The following POU2F1 variants were observed in gnomAD, a reference collection of about 807,000 sequenced individuals.
POU2F1 encodes the protein POU class 2 homeobox 1, also known as POU domain, class 2, transcription factor 1.
In POU2F1, 16 loss-of-function variants were observed where a neutral mutation model predicts 84.9. The observed-to-expected ratio is 0.19, with a 90% CI of 0.13 to 0.29. The LOEUF is 0.29. Among genes scored for constraint, POU2F1 ranks in the 10% least tolerant of loss-of-function variants. The pLI, the probability that POU2F1 is intolerant of heterozygous loss-of-function variation, is 1.00. For missense variants in POU2F1, 738 were observed against 942.6 expected, an observed-to-expected ratio of 0.78 and a Z score of 2.84; for synonymous variants, 368 against 368.3, an observed-to-expected ratio of 1.00 and a Z score of 0.01.
chr1:167,412,002 C>T lies in POU2F1; in HGVS notation c.1599C>T (p.Ser533=). 6.2e-7 allele frequency: 1 copy of T among 1,614,070 alleles called. No homozygotes were observed. Among genetic ancestry groups the T allele is most frequent in the Non-Finnish European group, 8.5e-7 (1 of 1,179,972 alleles). The change falls in exon 14 of 16, where the codon TCC becomes TCT. Residue 533 remains serine (S), a synonymous_variant. Coordinates refer to ENST00000367866, the MANE Select transcript of POU2F1 (RefSeq NM_002697.4). ...CCAACAACACAGCAACCGTGATTTC[C>T]ACAGCGCCTCCAGCTTCCTCAGCAG... is the stretch of plus-strand genomic sequence containing the variant. ...TTSNNTATVI[S]TAPPASSAVT...
At position 167,305,889 on chromosome 1, in the gene POU2F1, A is replaced by G. The variant is rs527854779; in HGVS notation, c.62-26581A>G. 7.2e-5 allele frequency among the ~76,000 whole-genome samples: 11 copies of G among 152,326 alleles called. 1 individual carries two copies. The Middle Eastern group carries it at 0.01, about 141-fold the overall frequency. On this transcript the variant is annotated intron_variant, in intron 1 of 15. Coordinates refer to ENST00000367866, the MANE Select transcript of POU2F1 (RefSeq NM_002697.4). The stretch of plus-strand genomic sequence containing the variant: ...AGGAGGGTGGGGCAGGGCTGGAACA[A>G]CTAACATTTCCTGGAATTCCTACTC...
intron 1 of POU2F1, among the ~76,000 whole-genome samples, chr1:167,291,057 A>G (rs1439207235): frequency 6.6e-6 from 1 of 152,070 alleles, no homozygotes; most frequent in Non-Finnish European, 1.5e-5. Context: ...AAAAAAAAAA[A>G]AAAAAAAGTC....
At chr1:167,414,800 C>T (rs1296535827) in intron 15 of POU2F1, 1 of 856,948 alleles carries the variant, frequency 1.2e-6, no homozygotes, top group Non-Finnish European at 1.4e-6. Flanking sequence ...ATTAATTATA[C>T]CTTTTAACTT....
chr1:167,247,983 A>T (rs1650459589), intron 1 of POU2F1, among the ~76,000 whole-genome samples: 1 of 152,196 alleles, frequency 6.6e-6, no homozygotes, highest in African/African-American at 2.4e-5. Context: ...TAATAATAGA[A>T]TGATCTTTGG....
intron 3 of POU2F1, among the ~76,000 whole-genome samples, chr1:167,369,248 T>TAAGC (rs1659863004): frequency 6.6e-6 from 1 of 152,190 alleles, no homozygotes; most frequent in African/African-American, 2.4e-5. Flanking sequence ...GGATGCAGCA[T>TAAGC]AAGCAATGCT....
At chr1:167,232,534 C>T (rs1649142566) in intron 1 of POU2F1, among the ~76,000 whole-genome samples, 1 of 152,168 alleles carries the variant, frequency 6.6e-6, no homozygotes, top group African/African-American at 2.4e-5. Flanking sequence ...AAGTTTTTAA[C>T]ATTTTAAAGC....
At chr1:167,371,515 A>C (rs1208582334) in intron 4 of POU2F1, among the ~76,000 whole-genome samples, 1 of 152,202 alleles carries the variant, frequency 6.6e-6, no homozygotes, top group Admixed American at 6.5e-5. Context: ...TCAAGTGATC[A>C]TTCTCTGAGA....
At chr1:167,323,931 G>T (rs112247430) in intron 1 of POU2F1, among the ~76,000 whole-genome samples, 5 of 152,176 alleles carry the variant, frequency 3.3e-5, no homozygotes, top group African/African-American at 1.2e-4. Flanking sequence ...GAGCTCAGGT[G>T]ATCCACCTAC....
At chr1:167,323,336 T>C (rs1371758362) in intron 1 of POU2F1, among the ~76,000 whole-genome samples, 1 of 152,212 alleles carries the variant, frequency 6.6e-6, no homozygotes. Flanking sequence ...AATTCAGGAT[T>C]GGATTTTGTA....
intron 1 of POU2F1, among the ~76,000 whole-genome samples, chr1:167,316,616 G>A (rs954571118): frequency 1.3e-5 from 2 of 152,186 alleles, no homozygotes; most frequent in Middle Eastern, 3.2e-3. Flanking sequence ...ACTTAATGAG[G>A]AGGAATGTAT....
At chr1:167,230,093 A>G (rs953016692) in intron 1 of POU2F1, among the ~76,000 whole-genome samples, 2 of 152,196 alleles carry the variant, frequency 1.3e-5, no homozygotes, top group Admixed American at 1.3e-4. Flanking sequence ...GAGGATGGCT[A>G]TAATTTATCC....
In POU2F1 at chr1:167,420,669, G is replaced by A. The variant is rs77845893; in HGVS notation, c.*4859G>A. ...GCCTCTTGCTGTTGTTTCTTCCCAA[G>A]AAAGGAGAAGCCCTGCCAGGGAGAA... On this transcript the variant is annotated 3_prime_UTR_variant, in exon 16 of 16. Coordinates refer to ENST00000367866, the MANE Select transcript of POU2F1 (RefSeq NM_002697.4). The A allele has an allele frequency of 0.032, 4,810 of 152,290 alleles. 129 individuals carry two copies. Among genetic ancestry groups the A allele is most frequent in the African/African-American group, 0.077 (3,179 of 41,524 alleles). 9.4% of individuals were successfully genotyped at this position (152,290 alleles called of 1,614,324 possible). A position where few individuals can be genotyped will look rare whatever the true frequency, so the allele number is the denominator to read the frequency against.
At chr1:167,377,349 G>A (rs940803249) in intron 7 of POU2F1, among the ~76,000 whole-genome samples, 10 of 152,162 alleles carry the variant, frequency 6.6e-5, no homozygotes, top group African/African-American at 1.7e-4. Context: ...CACTTTGTGA[G>A]GCCGAGGCAG....
intron 1 of POU2F1, among the ~76,000 whole-genome samples, chr1:167,302,092 G>A (rs1350571559): frequency 6.6e-6 from 1 of 151,664 alleles, no homozygotes; most frequent in Non-Finnish European, 1.5e-5. Context: ...CCCCGAGACG[G>A]AGTCTTGCTC....
At chr1:167,342,319 T>C (rs1473239483) in intron 2 of POU2F1, among the ~76,000 whole-genome samples, 3 of 152,198 alleles carry the variant, frequency 2.0e-5, no homozygotes, top group Admixed American at 1.3e-4. Context: ...TAACCTAATA[T>C]ACATAAATAC....
chr1:167,240,750 C>A (rs1649838195), intron 1 of POU2F1, among the ~76,000 whole-genome samples: 2 of 152,104 alleles, frequency 1.3e-5, no homozygotes, highest in South Asian at 4.2e-4. Context: ...GGTTTGAAGC[C>A]CTTCCCTAGA....
At chr1:167,288,657 A>T (rs1181826715) in intron 1 of POU2F1, among the ~76,000 whole-genome samples, 2 of 152,238 alleles carry the variant, frequency 1.3e-5, no homozygotes, top group African/African-American at 4.8e-5. Context: ...ACTGCACTCC[A>T]GCCTGGGTGA....
chr1:167,314,366 A>G, intron 1 of POU2F1, among the ~76,000 whole-genome samples: 1 of 152,248 alleles, frequency 6.6e-6, no homozygotes, highest in East Asian at 1.9e-4. Flanking sequence ...AGAACAGCTA[A>G]AATAAAAAAT....
chr1:167,364,379 A>G (rs955021905), intron 2 of POU2F1, among the ~76,000 whole-genome samples: 1 of 149,528 alleles, frequency 6.7e-6, no homozygotes, highest in African/African-American at 2.4e-5. Flanking sequence ...AAATACAAAA[A>G]ATTAGCCGGG....
Sources: allele counts gnomAD v4.1 joint callset (sites outside exome capture counted in the v4.1 genomes callset), GRCh38; gene constraint gnomAD v4.1.1; transcripts MANE v1.5; gene names NCBI Gene and HGNC (gene_info 2026-07-23, HGNC 2026-07-21).